TOGARAM2: variants seen among roughly 807,000 people sequenced by gnomAD.
TOGARAM2 encodes the protein TOG array regulator of axonemal microtubules protein 2.
A neutral mutation model predicts 93.3 loss-of-function variants in TOGARAM2; 85 were observed. The observed-to-expected ratio is 0.91, with a 90% CI of 0.76 to 1.09. The LOEUF (loss-of-function observed/expected upper bound fraction) is 1.09, where lower values mean the gene tolerates loss of function less well. TOGARAM2 is among the 50% of genes least tolerant of loss of function. TOGARAM2 has a pLI of 0.00. For missense variants in TOGARAM2, 1,277 were observed against 1,334.5 expected (o/e 0.96, Z 0.67); for synonymous variants, 593 against 552.8 (o/e 1.07, Z -1.02).
Position 28,965,298 on chromosome 2 carries a change from G to A in TOGARAM2, c.-147+8601G>A, listed in dbSNP as rs981523330. ...TGATTGGGATTAAGTGTGCCACTCT[G>A]CTATTTCTTTTCTATTCGTCTCATC... On this transcript the variant is annotated intron_variant, in intron 1 of 6. Transcript: ENST00000401723. Among the ~76,000 whole-genome samples the A allele has an allele frequency of 5.3e-5, 8 of 152,116 alleles. No homozygotes were observed. In the South Asian group the frequency reaches 1.4e-3, roughly 28 times the overall value.
chr2:29,020,955 C>A (rs547229597), intron 10 of TOGARAM2, among the ~76,000 whole-genome samples: 1 of 152,246 alleles, frequency 6.6e-6, no homozygotes, highest in African/African-American at 2.4e-5. Flanking sequence ...ACTCTGTCGC[C>A]CAGGCTGGAG....
At chr2:28,994,421 A>G (rs1259185494) in intron 1 of TOGARAM2, among the ~76,000 whole-genome samples, 1 of 152,142 alleles carries the variant, frequency 6.6e-6, no homozygotes, top group Non-Finnish European at 1.5e-5. Context: ...ACAGTGTCAG[A>G]CACTACCTTG....
At chr2:29,013,349 G>A (rs1049163916) in intron 7 of TOGARAM2, among the ~76,000 whole-genome samples, 21 of 152,210 alleles carry the variant, frequency 1.4e-4, no homozygotes, top group Admixed American at 1.2e-3. Flanking sequence ...GAACTAGTAG[G>A]ATATATGTCT....
rs751473958 is a variant in TOGARAM2 at position 29,003,645 on chromosome 2, C to T, written c.793C>T (p.Gln265Ter). ...CCTTCCCAGCCCGTTACCTCCAGGCCAGGGAGTCCTCACAGGCCTGAGGGC... is the reference window on the plus strand; with the variant it reads ...CCTTCCCAGCCCGTTACCTCCAGGCTAGGGAGTCCTCACAGGCCTGAGGGC... The part of the protein sequence containing the change: ...GSLPSPLPPG[Q>*]GVLTGLRAPR... The change falls in exon 6 of 20, where the codon CAG becomes TAG. Residue 265 changes from glutamine (Q) to a stop codon, truncating the protein, a stop_gained. Transcript: ENST00000379558. LOFTEE classifies it high-confidence loss of function. 61 of 1,589,514 alleles carry T rather than the reference C, an allele frequency of 3.8e-5. No homozygotes were observed. Among genetic ancestry groups the T allele is most frequent in the Middle Eastern group, 3.3e-4 (2 of 5,994 alleles).
intron 13 of TOGARAM2, among the ~76,000 whole-genome samples, chr2:29,024,776 T>A (rs1179294814): frequency 1.3e-5 from 2 of 152,148 alleles, no homozygotes; most frequent in African/African-American, 2.4e-5. Context: ...GAGACAGGGC[T>A]GCAGAGGCAG....
chr2:28,988,286 T>C (rs1274980682), intron 1 of TOGARAM2, among the ~76,000 whole-genome samples: 2 of 152,204 alleles, frequency 1.3e-5, no homozygotes, highest in Non-Finnish European at 2.9e-5. Flanking sequence ...TCTCCGTGAC[T>C]GTTCAGAACT....
intron 1 of TOGARAM2, among the ~76,000 whole-genome samples, chr2:28,967,215 A>T (rs1036806079): frequency 9.2e-5 from 14 of 152,254 alleles, no homozygotes; most frequent in Non-Finnish European, 2.1e-4. Context: ...TGTAAAAATT[A>T]AAAAAACCCT....
intron 4 of TOGARAM2, among the ~76,000 whole-genome samples, chr2:29,000,234 G>A (rs564458357): frequency 6.6e-6 from 1 of 152,304 alleles, no homozygotes; most frequent in South Asian, 2.1e-4. Context: ...GCAGCTAGGA[G>A]GCTCTCAAGA....
intron 6 of TOGARAM2, among the ~76,000 whole-genome samples, chr2:29,009,439 G>A (rs1401819329): frequency 1.3e-5 from 1 of 77,066 alleles, no homozygotes; most frequent in Non-Finnish European, 2.9e-5. Flanking sequence ...CCGTGTAGAT[G>A]GAGGTGGGGC....
intron 10 of TOGARAM2, among the ~76,000 whole-genome samples, chr2:29,019,034 T>C (rs1664766036): frequency 1.3e-5 from 2 of 152,168 alleles, no homozygotes; most frequent in African/African-American, 4.8e-5. Flanking sequence ...TTAAATTCTT[T>C]AGGATTTGAA....
At chr2:29,030,839 G>A (rs1167056885) in intron 14 of TOGARAM2, among the ~76,000 whole-genome samples, 1 of 152,114 alleles carries the variant, frequency 6.6e-6, no homozygotes, top group Non-Finnish European at 1.5e-5. Context: ...ACCCTTCTTC[G>A]AGCATCAGTC....
intron 8 of TOGARAM2, among the ~76,000 whole-genome samples, chr2:29,016,124 AG>A (rs1664553020): frequency 6.6e-6 from 1 of 152,082 alleles, no homozygotes; most frequent in African/African-American, 2.4e-5. Context: ...CTCTCTCCCC[AG>A]GGGCCCACTC....
At position 29,014,541 on chromosome 2, in the gene TOGARAM2, CAGA is replaced by C; in HGVS notation, c.1027_1029del (p.Lys343del). On this transcript the variant is annotated inframe_deletion, in exon 8 of 20. Coordinates refer to ENST00000379558, the MANE Select transcript of TOGARAM2 (RefSeq NM_199280.4). ...CTGCCCTCCGCTGAAAGAAGAGGAC[CAGA>C]AGGAGATCGGCACCAAGGTACCTGG... The C allele has an allele frequency of 6.4e-7, 1 of 1,570,112 alleles. No homozygotes were observed. Among genetic ancestry groups the C allele is most frequent in the Non-Finnish European group, 8.6e-7 (1 of 1,157,404 alleles).
upstream of TOGARAM2, among the ~76,000 whole-genome samples, chr2:28,977,549 G>A (rs868804451): frequency 6.6e-5 from 10 of 152,286 alleles, no homozygotes; most frequent in African/African-American, 2.4e-4. Context: ...TGGAAGAAGC[G>A]GTGAATGTTG....
In TOGARAM2 at chr2:29,006,255, CAT is replaced by C. The variant is rs552137258; in HGVS notation, c.830+2574_830+2575del. Among the ~76,000 whole-genome samples, 7 of 133,944 alleles carry C rather than the reference CAT, an allele frequency of 5.2e-5. No individual in the cohort carries two copies. In the South Asian group the frequency reaches 1.7e-3, roughly 32 times the overall value. 87.9% of individuals were successfully genotyped at this position (133,944 alleles called of 152,430 possible). A position where few individuals can be genotyped will look rare whatever the true frequency, so the allele number is the denominator to read the frequency against. On this transcript the variant is annotated intron_variant, in intron 6 of 19. Transcript: ENST00000379558. Reference sequence around the variant, plus strand: ...TGAAGCCATTTGTGGAGTGTGTGTGCATGTGTGTGGAGTGTATATGTGTGCAT... The same window carrying C: ...TGAAGCCATTTGTGGAGTGTGTGTGCGTGTGTGGAGTGTATATGTGTGCAT...
intron 1 of TOGARAM2, among the ~76,000 whole-genome samples, chr2:28,982,751 T>A (rs1341034945): frequency 6.6e-6 from 1 of 152,152 alleles, no homozygotes; most frequent in Non-Finnish European, 1.5e-5. Flanking sequence ...AGTTTATTAT[T>A]GCAGACAGAA....
intron 1 of TOGARAM2, among the ~76,000 whole-genome samples, chr2:28,991,096 C>G (rs116651559): frequency 0.012 from 1,826 of 151,114 alleles, 17 homozygotes; most frequent in South Asian, 0.036. Flanking sequence ...TGAGCAATTA[C>G]TATATGCCGG....
chr2:29,018,007 C>G, intron 10 of TOGARAM2, 51 bp downstream of exon 10: 1 of 1,523,846 alleles, frequency 6.6e-7, no homozygotes, highest in Non-Finnish European at 8.8e-7. Context: ...CATGCTGCCT[C>G]AGGATGCCCT....
intron 19 of TOGARAM2, chr2:29,046,358 G>A (rs1456016069): frequency 6.6e-6 from 1 of 152,264 alleles, no homozygotes; most frequent in Non-Finnish European, 1.5e-5. Flanking sequence ...TACTTATCTT[G>A]GTTTCATGAT....
Sources: gnomAD v4.1 joint callset for allele counts (sites outside exome capture counted in the v4.1 genomes callset) on GRCh38, gnomAD v4.1.1 for gene constraint, MANE v1.5 for transcripts, NCBI Gene and HGNC (gene_info 2026-07-23, HGNC 2026-07-21) for gene names.